LRRIQ1: variants seen among roughly 807,000 people sequenced by gnomAD.
LRRIQ1 encodes leucine rich repeats and IQ motif containing 1, also known as leucine-rich repeat- and IQ domain-containing protein 1.
In LRRIQ1, 210 loss-of-function variants were observed where a neutral mutation model predicts 211.9. The observed-to-expected ratio is 0.99, with a 90% CI of 0.89 to 1.11. The LOEUF (loss-of-function observed/expected upper bound fraction) is 1.11, where lower values mean the gene tolerates loss of function less well. Among genes scored for constraint, LRRIQ1 ranks in the 50% most tolerant of loss-of-function variants. The pLI is 0.00. For missense variants in LRRIQ1, 2,136 were observed against 1,939.5 expected, an observed-to-expected ratio of 1.10 and a Z score of -1.90; for synonymous variants, 699 against 650.1, an observed-to-expected ratio of 1.08 and a Z score of -1.14.
chr12:85,106,260 T>G (rs1024190740), intron 14 of LRRIQ1, among the ~76,000 whole-genome samples: 1 of 152,194 alleles, frequency 6.6e-6, no homozygotes, highest in Non-Finnish European at 1.5e-5. Flanking sequence ...CATTTAATCC[T>G]AACCCTATAA....
At chr12:85,211,081 T>C (rs1893815400) in intron 24 of LRRIQ1, among the ~76,000 whole-genome samples, 1 of 152,210 alleles carries the variant, frequency 6.6e-6, no homozygotes, top group Non-Finnish European at 1.5e-5. Flanking sequence ...GTGCTGTGAG[T>C]AAAACTTTTT....
chr12:85,135,061 A>G (rs901494509), intron 18 of LRRIQ1, among the ~76,000 whole-genome samples: 1 of 152,056 alleles, frequency 6.6e-6, no homozygotes, highest in African/African-American at 2.4e-5. Flanking sequence ...GTAGCATTTA[A>G]TACGTCTTTG....
At chr12:85,272,506 TA>T in the LRRIQ1 span, among the ~76,000 whole-genome samples, 2 of 152,106 alleles carry the variant, frequency 1.3e-5, no homozygotes, top group Non-Finnish European at 2.9e-5. Context: ...TTTAAATACT[TA>T]GTTTATAGTA....
At chr12:85,076,888 G>A (rs781632742) in intron 11 of LRRIQ1, among the ~76,000 whole-genome samples, 1 of 151,944 alleles carries the variant, frequency 6.6e-6, no homozygotes, top group African/African-American at 2.4e-5. Context: ...TATCTCGCCA[G>A]TCTAGGCTGC....
intron 1 of LRRIQ1, among the ~76,000 whole-genome samples, chr12:85,254,137 C>G (rs1896022606): frequency 6.6e-6 from 1 of 152,032 alleles, no homozygotes. Flanking sequence ...TGTCACGTGT[C>G]TGCTCCCCCT....
chr12:85,265,046 A>T (rs1896392486), downstream of LRRIQ1, among the ~76,000 whole-genome samples: 1 of 152,048 alleles, frequency 6.6e-6, no homozygotes, highest in Non-Finnish European at 1.5e-5. Context: ...ACGTTGGTTT[A>T]TGGAGATAGC....
chr12:85,206,732 A>G (rs1002673388), intron 24 of LRRIQ1, among the ~76,000 whole-genome samples: 1 of 151,986 alleles, frequency 6.6e-6, no homozygotes, highest in Non-Finnish European at 1.5e-5. Context: ...AGGAGGTATG[A>G]TGCAGACCCC....
At chr12:85,040,198 C>T (rs555458324) in intron 2 of LRRIQ1, among the ~76,000 whole-genome samples, 1 of 151,504 alleles carries the variant, frequency 6.6e-6, no homozygotes, top group South Asian at 2.1e-4. Context: ...ATATATACAA[C>T]TATTGAGGGC....
At chr12:85,132,162 G>A (rs1051871293) in intron 18 of LRRIQ1, among the ~76,000 whole-genome samples, 3 of 152,028 alleles carry the variant, frequency 2.0e-5, no homozygotes, top group East Asian at 1.9e-4. Context: ...GTCACTTAGC[G>A]CTGGATGAAA....
chr12:85,218,567 C>G (rs948378696), intron 24 of LRRIQ1, among the ~76,000 whole-genome samples: 1 of 152,010 alleles, frequency 6.6e-6, no homozygotes, highest in African/African-American at 2.4e-5. Flanking sequence ...AGCCAACTTA[C>G]TATGTACAGT....
intron 9 of LRRIQ1, 60 bp downstream of exon 9, chr12:85,065,474 T>A: frequency 1.5e-6 from 2 of 1,329,474 alleles, no homozygotes; most frequent in South Asian, 3.5e-5. Context: ...GATTTATGTT[T>A]ACATTTCAGA....
Position 85,044,701 on chromosome 12 carries a change from AT to A in LRRIQ1, c.245-11del. The A allele has an allele frequency of 2.2e-6, 3 of 1,336,556 alleles. No homozygotes were observed. Among genetic ancestry groups the A allele is most frequent in the East Asian group, 2.3e-5 (1 of 42,672 alleles). 82.8% of individuals were successfully genotyped at this position (1,336,556 alleles called of 1,614,324 possible). On this transcript the variant is annotated splice_polypyrimidine_tract_variant and intron_variant, in intron 3 of 26. Coordinates refer to ENST00000393217, the MANE Select transcript of LRRIQ1 (RefSeq NM_001079910.2). ...TACTCTAATATTGGAAGTTATATAC[AT>A]TTTTTCTTTCTCTAGGCTGTAGTTA...
chr12:85,162,757 C>T (rs748064501), intron 24 of LRRIQ1: 1 of 455,870 alleles, frequency 2.2e-6, no homozygotes, highest in South Asian at 1.5e-5. Flanking sequence ...TTTTCTTTCC[C>T]CCAAGTGAAT....
At chr12:85,221,681 T>C (rs1402301694) in intron 24 of LRRIQ1, among the ~76,000 whole-genome samples, 1 of 152,018 alleles carries the variant, frequency 6.6e-6, no homozygotes, top group Non-Finnish European at 1.5e-5. Context: ...TGGGCAAAGG[T>C]CTGTGGGCAA....
intron 1 of LRRIQ1, among the ~76,000 whole-genome samples, chr12:85,256,244 T>C (rs1896087074): frequency 6.6e-6 from 1 of 151,716 alleles, no homozygotes; most frequent in Non-Finnish European, 1.5e-5. Flanking sequence ...AAATTTAACA[T>C]TTTTTGACGA....
At chr12:85,072,769 G>A (rs1483054882) in intron 10 of LRRIQ1, 138 bp from the exon 11 acceptor site, 2 of 448,004 alleles carry the variant, frequency 4.5e-6, no homozygotes, top group Admixed American at 4.3e-5. Flanking sequence ...ATCAAGTTTA[G>A]ACATTTATTT....
chr12:85,139,156 C>A (rs989156956), intron 19 of LRRIQ1, among the ~76,000 whole-genome samples: 2 of 151,352 alleles, frequency 1.3e-5, no homozygotes, highest in African/African-American at 4.8e-5. Context: ...TGGTAAACCT[C>A]TTTAGGTTCT....
chr12:85,262,839 AAT>A, intron 1 of LRRIQ1: 1 of 742,074 alleles, frequency 1.3e-6, no homozygotes, highest in African/African-American at 1.9e-5. Context: ...TTTTGACTTA[AAT>A]ATATTTCTTA....
exon 2 of LRRIQ1, chr12:85,263,913 T>C (rs1473713048): frequency 6.6e-6 from 1 of 152,074 alleles, no homozygotes; most frequent in Non-Finnish European, 1.5e-5. Context: ...CCTATCTTAG[T>C]AAATTTACAA....
Sources: gnomAD v4.1 joint callset for allele counts (sites outside exome capture counted in the v4.1 genomes callset) on GRCh38, gnomAD v4.1.1 for gene constraint, MANE v1.5 for transcripts, NCBI Gene and HGNC (gene_info 2026-07-23, HGNC 2026-07-21) for gene names.